STAM2: variants seen among roughly 807,000 people sequenced by gnomAD.
STAM2 encodes signal transducing adaptor molecule 2.
Under a neutral mutation model 65.6 loss-of-function variants are expected in STAM2, and 51 were observed. The observed-to-expected ratio is 0.78, with a 90% confidence interval of 0.62 to 0.98. The LOEUF (loss-of-function observed/expected upper bound fraction) is 0.98. STAM2 is among the 50% of genes least tolerant of loss of function. The probability of loss-of-function intolerance (pLI) is 0.00; values close to 1 mark genes in which losing one functional copy is unlikely to be tolerated. For missense variants in STAM2, 584 were observed against 617.8 expected (o/e 0.95, Z 0.58); for synonymous variants, 198 against 208.4 (o/e 0.95, Z 0.43).
chr2:152,159,832 C>T (rs377720672), intron 1 of STAM2, among the ~76,000 whole-genome samples: 1 of 152,234 alleles, frequency 6.6e-6, no homozygotes, highest in African/African-American at 2.4e-5. Context: ...CTCCCTGCCT[C>T]ATTCTCCTGC....
chr2:152,126,307 A>G lies in STAM2; in HGVS notation c.1098T>C (p.Asn366=). 1 of 1,607,714 alleles carries G rather than the reference A, an allele frequency of 6.2e-7. No individual in the cohort carries two copies. Reference sequence around the variant, plus strand: ...AATAGACTGAGTACACTGGTGCTTCATTCACCAATTTGTTATATAGTTCCA... The same window carrying G: ...AATAGACTGAGTACACTGGTGCTTCGTTCACCAATTTGTTATATAGTTCCA... ...EALELYNKLV[N]EAPVYSVYSK... The change falls in exon 12 of 14, where the codon AAT becomes AAC. Residue 366 remains asparagine (N), a synonymous_variant. Transcript: ENST00000263904.
chr2:152,149,821 G>A (rs1197688129), intron 2 of STAM2, among the ~76,000 whole-genome samples: 1 of 151,966 alleles, frequency 6.6e-6, no homozygotes, highest in East Asian at 1.9e-4. Context: ...CTCTTGACCA[G>A]AAGCCTCACC....
chr2:152,167,474 T>C (rs899264589), intron 1 of STAM2, among the ~76,000 whole-genome samples: 6 of 152,254 alleles, frequency 3.9e-5, no homozygotes, highest in African/African-American at 1.4e-4. Flanking sequence ...GGGAAAAGAA[T>C]GTTTCAACAA....
At chr2:152,165,922 G>A (rs1261712963) in intron 1 of STAM2, among the ~76,000 whole-genome samples, 5 of 152,292 alleles carry the variant, frequency 3.3e-5, no homozygotes, top group African/African-American at 1.2e-4. Context: ...TACAATGAAG[G>A]CCGGGCACAG....
intron 13 of STAM2, among the ~76,000 whole-genome samples, chr2:152,122,484 A>C (rs1688873469): frequency 6.6e-6 from 1 of 152,214 alleles, no homozygotes; most frequent in South Asian, 2.1e-4. Flanking sequence ...TGCTTGCAAT[A>C]AAAGAGAATT....
chr2:152,165,261 TA>T (rs563213920), intron 1 of STAM2, among the ~76,000 whole-genome samples: 68 of 146,548 alleles, frequency 4.6e-4, no homozygotes, highest in African/African-American at 7.2e-4. Flanking sequence ...TCGTCTCTAT[TA>T]AAAAAAAAAA....
intron 1 of STAM2, 94 bp from the exon 2 acceptor site, chr2:152,150,323 T>G: frequency 2.6e-6 from 2 of 768,392 alleles, no homozygotes; most frequent in South Asian, 3.6e-5. Flanking sequence ...ATCCTACCTT[T>G]TCTATTGCCG....
At chr2:152,132,053 T>C in intron 11 of STAM2, 61 bp downstream of exon 11, 1 of 1,262,298 alleles carries the variant, frequency 7.9e-7, no homozygotes, top group South Asian at 1.3e-5. Flanking sequence ...CTTTACTGTT[T>C]GCCAAAACAC....
chr2:152,130,721 G>T (rs1221680766), intron 11 of STAM2, among the ~76,000 whole-genome samples: 1 of 151,618 alleles, frequency 6.6e-6, no homozygotes, highest in Admixed American at 6.6e-5. Flanking sequence ...GCATAAGGCT[G>T]GGTGCAGTGG....
chr2:152,135,302 G>GTTTA (rs1560213295), intron 8 of STAM2, among the ~76,000 whole-genome samples: 1 of 152,220 alleles, frequency 6.6e-6, no homozygotes, highest in Non-Finnish European at 1.5e-5. Flanking sequence ...CTCAGAGGAT[G>GTTTA]TAAAATAAGA....
At chr2:152,162,937 G>A (rs1689711680) in intron 1 of STAM2, among the ~76,000 whole-genome samples, 1 of 152,132 alleles carries the variant, frequency 6.6e-6, no homozygotes. Context: ...TGGGATTACA[G>A]GCATGAGCCA....
chr2:152,136,644 C>T (rs1382254265), intron 7 of STAM2, among the ~76,000 whole-genome samples: 2 of 152,032 alleles, frequency 1.3e-5, no homozygotes, highest in South Asian at 2.1e-4. Context: ...CTAATCCATA[C>T]AGACCTTTTT....
intron 1 of STAM2, among the ~76,000 whole-genome samples, chr2:152,153,881 T>TAC (rs1365344105): frequency 2.4e-5 from 2 of 83,400 alleles, no homozygotes; most frequent in Non-Finnish European, 2.6e-5. Context: ...TTCCAGACAT[T>TAC]ACATACACAC....
rs188184401 is a variant in STAM2, at chr2:152,130,955, C to T, written c.1025+1159G>A. Among the ~76,000 whole-genome samples the T allele has an allele frequency of 3.6e-3, 536 of 147,024 alleles. 4 individuals carry two copies. Among genetic ancestry groups the T allele is most frequent in the Middle Eastern group, 7.1e-3 (2 of 280 alleles). On this transcript the variant is annotated intron_variant, in intron 11 of 13. Transcript: ENST00000263904. The stretch of plus-strand genomic sequence containing the variant: ...AGGTTGCAGTGAGCCGAGATCGCAC[C>T]ACTGCACTCCAGCCTGGGTGACAGG...
At chr2:152,173,970 T>C (rs1216870043) in intron 1 of STAM2, among the ~76,000 whole-genome samples, 1 of 152,166 alleles carries the variant, frequency 6.6e-6, no homozygotes, top group Admixed American at 6.5e-5. Context: ...CATAAAATAA[T>C]CTAGACACAG....
intron 1 of STAM2, among the ~76,000 whole-genome samples, chr2:152,165,812 TA>T (rs1689771981): frequency 2.0e-5 from 3 of 152,164 alleles, no homozygotes; most frequent in Admixed American, 2.0e-4. Flanking sequence ...ACAAAATATT[TA>T]AACAAGTAGT....
At position 152,144,868 on chromosome 2, in the gene STAM2, A is replaced by G. The variant is rs752489183; in HGVS notation, c.517+20T>C. ...AAGATATTTTAAGCAACACTAAATTACATGTGCTTGATCATTTACCTTTAG... is the reference window on the plus strand; with the variant it reads ...AAGATATTTTAAGCAACACTAAATTGCATGTGCTTGATCATTTACCTTTAG... On this transcript the variant is annotated intron_variant, in intron 6 of 13. Transcript: ENST00000263904. The G allele has an allele frequency of 1.9e-6, 3 of 1,608,602 alleles. No individual in the cohort carries two copies. The highest frequency in any genetic ancestry group is 1.7e-6 in the Non-Finnish European group (2 of 1,175,060).
chr2:152,129,816 G>A (rs980534951), intron 11 of STAM2, among the ~76,000 whole-genome samples: 1 of 152,142 alleles, frequency 6.6e-6, no homozygotes, highest in African/African-American at 2.4e-5. Context: ...GATGTGTAAC[G>A]AGATATTTAA....
At chr2:152,138,087 C>T (rs1294546117) in intron 7 of STAM2, among the ~76,000 whole-genome samples, 1 of 152,050 alleles carries the variant, frequency 6.6e-6, no homozygotes. Context: ...AATTACTTTT[C>T]AAGTTCTCTG....
Sources: gnomAD v4.1 joint callset for allele counts (sites outside exome capture counted in the v4.1 genomes callset) on GRCh38, gnomAD v4.1.1 for gene constraint, MANE v1.5 for transcripts, NCBI Gene and HGNC (gene_info 2026-07-23, HGNC 2026-07-21) for gene names.